LOX: variants seen among roughly 807,000 people sequenced by gnomAD.
LOX encodes protein-lysine 6-oxidase.
In LOX, 12 loss-of-function variants were observed where a neutral mutation model predicts 50.5. The ratio of observed to expected loss-of-function variants is 0.24; its 90% CI spans 0.15 to 0.38. LOX has a LOEUF of 0.38. Among genes scored for constraint, LOX ranks in the 10% least tolerant of loss-of-function variants. LOX has a pLI of 1.00. For missense variants in LOX, 504 were observed against 563.8 expected, an observed-to-expected ratio of 0.89 and a Z score of 1.07; for synonymous variants, 254 against 230.6, an observed-to-expected ratio of 1.10 and a Z score of -0.92.
intron 6 of LOX, among the ~76,000 whole-genome samples, chr5:122,069,013 G>A (rs969594971): frequency 6.6e-6 from 1 of 152,000 alleles, no homozygotes; most frequent in African/African-American, 2.4e-5. Context: ...TCTGTGCTGT[G>A]GGCATGTTCA....
intron 6 of LOX, among the ~76,000 whole-genome samples, chr5:122,068,139 C>A (rs990272663): frequency 2.1e-5 from 3 of 143,156 alleles, no homozygotes; most frequent in African/African-American, 7.9e-5. Context: ...CAGCTTCAAC[C>A]ACTCTTGAAG....
rs1016460853 is a variant in LOX, at chr5:122,065,458, T to C, written c.*1285A>G. The C allele has an allele frequency of 7.9e-5, 12 of 152,086 alleles. No homozygotes were observed. The highest frequency in any genetic ancestry group is 2.9e-4 in the African/African-American group (12 of 41,426). 9.4% of individuals were successfully genotyped at this position (152,086 alleles called of 1,614,324 possible). A position where few individuals can be genotyped will look rare whatever the true frequency, so the allele number is the denominator to read the frequency against. On this transcript the variant is annotated 3_prime_UTR_variant, in exon 7 of 7. Transcript: ENST00000231004. Reference sequence around the variant, plus strand: ...TAAAAGCAAAATTCTCAAAATTCTATTATGGCACATGGTTTCACAGTTTCA... The same window carrying C: ...TAAAAGCAAAATTCTCAAAATTCTACTATGGCACATGGTTTCACAGTTTCA...
At chr5:122,070,696 T>C (rs1754425418) in intron 4 of LOX, 107 bp from the exon 5 acceptor site, 3 of 601,422 alleles carry the variant, frequency 5.0e-6, no homozygotes, top group Non-Finnish European at 8.8e-6. Context: ...CTTACAAGAG[T>C]CTGACATAAA....
chr5:122,073,480 T>TAACCGC, intron 4 of LOX, among the ~76,000 whole-genome samples: 1 of 152,314 alleles, frequency 6.6e-6, no homozygotes, highest in Non-Finnish European at 1.5e-5. Flanking sequence ...CTCCATTTGC[T>TAACCGC]AACCGCAACC....
Position 122,063,911 on chromosome 5 carries a change from G to A in LOX, c.*2832C>T, listed in dbSNP as rs1754231570. On this transcript the variant is annotated 3_prime_UTR_variant, in exon 7 of 7. Transcript: ENST00000231004. ...AATAATGCCTAGTGAGTAATTGGAT[G>A]ATAGAAATTGTAAATAAAGTTATTC... 1.3e-5 allele frequency: 2 copies of A among 151,940 alleles called. No homozygotes were observed. Among genetic ancestry groups the A allele is most frequent in the South Asian group, 4.1e-4 (2 of 4,828 alleles). The allele number at this position is 151,940 out of a possible 1,614,324, so 9.4% of individuals were successfully genotyped here.
At chr5:122,076,416 G>C (rs1386886592) in intron 2 of LOX, among the ~76,000 whole-genome samples, 2 of 152,168 alleles carry the variant, frequency 1.3e-5, no homozygotes, top group Non-Finnish European at 2.9e-5. Flanking sequence ...TCTGGCTGAA[G>C]TAATACCAAA....
chr5:122,069,701 C>T (rs191150407), intron 6 of LOX, among the ~76,000 whole-genome samples: 1 of 152,030 alleles, frequency 6.6e-6, no homozygotes, highest in African/African-American at 2.4e-5. Flanking sequence ...TCAGGGACTG[C>T]GAGGAAGGGG....
intron 6 of LOX, among the ~76,000 whole-genome samples, chr5:122,069,143 C>T (rs1057160185): frequency 6.6e-6 from 1 of 152,068 alleles, no homozygotes; most frequent in African/African-American, 2.4e-5. Flanking sequence ...TGTAGAAAGT[C>T]CTGGGTTTTT....
At chr5:122,073,859 G>T (rs1346544876) in intron 4 of LOX, among the ~76,000 whole-genome samples, 154 bp downstream of exon 4, 3 of 152,150 alleles carry the variant, frequency 2.0e-5, no homozygotes, top group Non-Finnish European at 4.4e-5. Context: ...GACTCATGGG[G>T]TATATCATCT....
At chr5:122,074,467 T>G (rs939087361) in intron 3 of LOX, among the ~76,000 whole-genome samples, 2 of 152,212 alleles carry the variant, frequency 1.3e-5, no homozygotes, top group African/African-American at 2.4e-5. Context: ...AAATTATCTG[T>G]GCTTAAGTGA....
intron 5 of LOX, 94 bp from the exon 6 acceptor site, chr5:122,070,262 G>A (rs1245408409): frequency 5.1e-6 from 4 of 779,462 alleles, no homozygotes; most frequent in Non-Finnish European, 6.7e-6. Flanking sequence ...AAGCAGGGAA[G>A]GGATTTTAAC....
intron 6 of LOX, chr5:122,069,824 T>TCTTCTCCTGAAAACTAAG (rs886696428): frequency 3.9e-6 from 2 of 513,092 alleles, no homozygotes; most frequent in Non-Finnish European, 7.4e-6. Context: ...TCTGTTTATG[T>TCTTCTCCTGAAAACTAAG]CTTCTCCTGA....
rs966387793 is a variant in LOX at position 122,066,501 on chromosome 5, A to G, written c.*242T>C. ...GTCAAATATGTAATTACAGAATTGA[A>G]ACACTGTGTTAATTCACAAAGTGAT... On this transcript the variant is annotated 3_prime_UTR_variant, in exon 7 of 7. Transcript: ENST00000231004. 17 of 421,842 alleles carry G rather than the reference A, an allele frequency of 4.0e-5. No homozygotes were observed. The highest frequency in any genetic ancestry group is 8.0e-5 in the African/African-American group (4 of 49,738). The allele number at this position is 421,842 out of a possible 1,614,324, so 26.1% of individuals were successfully genotyped here.
At chr5:122,073,216 G>A (rs1754502319) in intron 4 of LOX, among the ~76,000 whole-genome samples, 1 of 152,086 alleles carries the variant, frequency 6.6e-6, no homozygotes, top group Non-Finnish European at 1.5e-5. Flanking sequence ...AAATTATAAT[G>A]TCCTTTTACA....
In LOX at chr5:122,077,130, G is replaced by C; in HGVS notation, c.632-129C>G. 1 of 1,481,804 alleles carries C rather than the reference G, an allele frequency of 6.7e-7. No homozygotes were observed. Among genetic ancestry groups the C allele is most frequent in the South Asian group, 1.3e-5 (1 of 74,608 alleles). The allele number at this position is 1,481,804 out of a possible 1,614,324, so 91.8% of individuals were successfully genotyped here. ...GGACTGCAGAGTGGAGCGGAGGACA[G>C]CAAGAGAACTGGGGACGCCCGGGAC... On this transcript the variant is annotated intron_variant, in intron 1 of 6. Transcript: ENST00000231004. This position sits in a 1 kb window ranked among gnomAD's most constrained non-coding sequence, Gnocchi z 4.9.
At chr5:122,075,170 A>G in intron 3 of LOX, 1 of 378,158 alleles carries the variant, frequency 2.6e-6, no homozygotes, top group Non-Finnish European at 4.7e-6. Context: ...ATTGAAGTCA[A>G]TTGCTGTATC....
intron 4 of LOX, among the ~76,000 whole-genome samples, chr5:122,072,776 G>A (rs1159736694): frequency 6.6e-6 from 1 of 152,166 alleles, no homozygotes. Context: ...AAAATGAAAT[G>A]GGGTCACCCC....
At chr5:122,068,272 T>C (rs1216960882) in intron 6 of LOX, among the ~76,000 whole-genome samples, 1 of 152,062 alleles carries the variant, frequency 6.6e-6, no homozygotes, top group East Asian at 1.9e-4. Context: ...CAACAATTTT[T>C]ATTTCTTCTA....
chr5:122,069,910 A>G, intron 6 of LOX, 143 bp downstream of exon 6: 1 of 732,826 alleles, frequency 1.4e-6, no homozygotes, highest in Non-Finnish European at 2.5e-6. Flanking sequence ...AAATAAAATC[A>G]GACTGCATAC....
Sources: allele counts gnomAD v4.1 joint callset (sites outside exome capture counted in the v4.1 genomes callset), GRCh38; gene constraint gnomAD v4.1.1; non-coding constraint Gnocchi (gnomAD v3.1); transcripts MANE v1.5; gene names NCBI Gene and HGNC (gene_info 2026-07-23, HGNC 2026-07-21).